The following SHROOM4 variants were observed in gnomAD, a reference collection of about 807,000 sequenced individuals.
SHROOM4 encodes the protein protein Shroom4.
SHROOM4 carries 17 observed loss-of-function variants against 80.3 expected under a neutral mutation model. That is an observed-to-expected ratio of 0.21 (90% confidence interval 0.14 to 0.32). The LOEUF is 0.32. SHROOM4 is among the 10% of genes least tolerant of loss of function. The pLI is 1.00. For synonymous variants in SHROOM4, 400 were observed against 437.5 expected (o/e 0.91, Z 1.07); for missense variants, 993 against 1,140.3 (o/e 0.87, Z 1.86).
At chrX:50,703,599 A>G (rs1369102084) in intron 1 of SHROOM4, among the ~76,000 whole-genome samples, 4 of 111,253 alleles carry the variant, frequency 3.6e-5, no homozygotes, top group African/African-American at 6.5e-5. Context: ...AGTTTCCCCA[A>G]TGCTGTTCTT....
intron 1 of SHROOM4, among the ~76,000 whole-genome samples, chrX:50,756,861 G>A (rs1342282350): frequency 9.0e-6 from 1 of 111,724 alleles, no homozygotes; most frequent in East Asian, 2.8e-4. Flanking sequence ...TGAGTTGTAA[G>A]AGGCTTTATA....
chrX:50,708,001 T>C (rs1933721067), intron 1 of SHROOM4, among the ~76,000 whole-genome samples: 1 of 111,452 alleles, frequency 9.0e-6, no homozygotes, highest in South Asian at 3.8e-4. Flanking sequence ...TCAAAGAACA[T>C]ATCCCATCAA....
At chrX:50,756,671 T>C (rs1557268410) in intron 1 of SHROOM4, among the ~76,000 whole-genome samples, 1 of 112,415 alleles carries the variant, frequency 8.9e-6, no homozygotes, top group African/African-American at 3.2e-5. Flanking sequence ...TTTTGTCTAA[T>C]AGATAGCCAT....
intron 5 of SHROOM4, among the ~76,000 whole-genome samples, chrX:50,619,924 G>A (rs186435177): frequency 5.4e-5 from 6 of 111,289 alleles, no homozygotes; most frequent in Non-Finnish European, 9.4e-5. Flanking sequence ...TTGGAGATTC[G>A]TAGAGGTCTG....
intron 1 of SHROOM4, among the ~76,000 whole-genome samples, chrX:50,771,288 C>T (rs1484527974): frequency 8.9e-6 from 1 of 112,279 alleles, no homozygotes; most frequent in Non-Finnish European, 1.9e-5. Flanking sequence ...GCTTGGGAGA[C>T]CTTGTGCTTC....
intron 1 of SHROOM4, among the ~76,000 whole-genome samples, chrX:50,813,191 G>GGCAGCA (rs1936385164): frequency 9.2e-6 from 1 of 108,997 alleles, no homozygotes; most frequent in Non-Finnish European, 1.9e-5. Context: ...CGGCGGCAGC[G>GGCAGCA]GCAGCAGCAA....
rs986577701 is a variant in SHROOM4, at chrX:50,760,141, T to C, written c.117+53761A>G. Among the ~76,000 whole-genome samples the C allele has an allele frequency of 1.3e-3, 147 of 111,085 alleles. 1 individual carries two copies. The highest frequency in any genetic ancestry group is 4.6e-3 in the African/African-American group (141 of 30,653). ...GATCTTCTAATCATTTTATCCATTA[T>C]TGAAAATGAGTATTGAAATCTCCAA... On this transcript the variant is annotated intron_variant, in intron 1 of 8. Coordinates refer to ENST00000376020, the MANE Select transcript of SHROOM4 (RefSeq NM_020717.5).
chrX:50,669,078 G>A (rs1338957300), intron 2 of SHROOM4, among the ~76,000 whole-genome samples: 2 of 112,506 alleles, frequency 1.8e-5, no homozygotes, highest in East Asian at 2.8e-4. Context: ...GATCATCTGC[G>A]TCTTCAGTGA....
In SHROOM4 at chrX:50,733,154, CCAAA is replaced by C. The variant is rs1404041316; in HGVS notation, c.118-37221_118-37218del. 4.5e-3 allele frequency among the ~76,000 whole-genome samples: 490 copies of C among 108,263 alleles called. 3 individuals carry two copies. Among genetic ancestry groups the C allele is most frequent in the African/African-American group, 0.015 (457 of 29,650 alleles). 94.0% of individuals were successfully genotyped at this position (108,263 alleles called of 115,157 possible). On this transcript the variant is annotated intron_variant, in intron 1 of 8. Transcript: ENST00000376020. ...ATACATCATATCAATAGAATAAAAA[CCAAA>C]CAATCAATGACCACCTTAATCAACA...
In SHROOM4 at chrX:50,595,816, A is replaced by G. The variant is rs1294899044; in HGVS notation, c.*879T>C. The stretch of plus-strand genomic sequence containing the variant: ...TAAAAAAGAAAAAAATAATCAAAAC[A>G]TAAAAATAAATAAAATCAAAAGGCC... On this transcript the variant is annotated 3_prime_UTR_variant, in exon 9 of 9. Transcript: ENST00000376020. The G allele has an allele frequency of 6.4e-6, 2 of 312,593 alleles. No homozygotes were observed. The highest frequency in any genetic ancestry group is 3.6e-5 in the Admixed American group (1 of 27,979). The allele number at this position is 312,593 out of a possible 1,213,427, so 25.8% of individuals were successfully genotyped here.
At chrX:50,708,724 G>T (rs1198875680) in intron 1 of SHROOM4, among the ~76,000 whole-genome samples, 1 of 111,919 alleles carries the variant, frequency 8.9e-6, no homozygotes, top group Non-Finnish European at 1.9e-5. Context: ...TGATGAAATG[G>T]TTGGCAAGTC....
chrX:50,737,947 G>A (rs1427833789), intron 1 of SHROOM4, among the ~76,000 whole-genome samples: 7 of 111,405 alleles, frequency 6.3e-5, no homozygotes, highest in Admixed American at 2.9e-4. Flanking sequence ...CTGGCAAACC[G>A]AATCCAGCAG....
intron 1 of SHROOM4, among the ~76,000 whole-genome samples, chrX:50,734,332 A>C (rs1313513729): frequency 1.8e-5 from 2 of 111,804 alleles, no homozygotes; most frequent in Non-Finnish European, 3.8e-5. Flanking sequence ...AATCCAGAAA[A>C]AGAAGAATAA....
intron 1 of SHROOM4, among the ~76,000 whole-genome samples, chrX:50,747,358 C>T (rs933564367): frequency 8.9e-6 from 1 of 111,778 alleles, no homozygotes; most frequent in Non-Finnish European, 1.9e-5. Flanking sequence ...CACATAAATG[C>T]CCCTCTTCAA....
At chrX:50,633,094 T>G in intron 4 of SHROOM4, 84 bp downstream of exon 4, 3 of 890,524 alleles carry the variant, frequency 3.4e-6, no homozygotes, top group Non-Finnish European at 3.2e-6. Flanking sequence ...GGAATTATAA[T>G]TGTTATATTT....
chrX:50,749,684 G>T (rs1602485597), intron 1 of SHROOM4, among the ~76,000 whole-genome samples: 1 of 111,945 alleles, frequency 8.9e-6, no homozygotes, highest in African/African-American at 3.2e-5. Context: ...CATGTGCAAA[G>T]AAAAAGAGGT....
intron 5 of SHROOM4, among the ~76,000 whole-genome samples, chrX:50,619,273 C>T (rs1395181076): frequency 9.0e-6 from 1 of 111,332 alleles, no homozygotes; most frequent in Non-Finnish European, 1.9e-5. Context: ...TTAAGCTCAC[C>T]ACAATAGCTT....
intron 1 of SHROOM4, among the ~76,000 whole-genome samples, chrX:50,700,094 G>C (rs1933476956): frequency 9.0e-6 from 1 of 110,865 alleles, no homozygotes; most frequent in Non-Finnish European, 1.9e-5. Context: ...AAACTTTCTT[G>C]GTCAGTTCCA....
intron 1 of SHROOM4, among the ~76,000 whole-genome samples, chrX:50,811,087 A>G (rs996354000): frequency 9.0e-6 from 1 of 111,457 alleles, no homozygotes; most frequent in African/African-American, 3.3e-5. Context: ...TGAGGCAGGC[A>G]GATTGTTTGA....
Sources: allele counts gnomAD v4.1 joint callset (sites outside exome capture counted in the v4.1 genomes callset), GRCh38; gene constraint gnomAD v4.1.1; transcripts MANE v1.5; gene names NCBI Gene and HGNC (gene_info 2026-07-23, HGNC 2026-07-21).